Variants in SOX6 observed in about 807,000 individuals in gnomAD.
The protein encoded by SOX6 is SRY-box transcription factor 6.
Under a neutral mutation model 97.8 loss-of-function variants are expected in SOX6, and 11 were observed. That is an observed-to-expected ratio of 0.11 (90% CI 0.07 to 0.19). The LOEUF (loss-of-function observed/expected upper bound fraction) is 0.19. Ranked by LOEUF, SOX6 falls within the 10% of genes least tolerant of loss-of-function variation. SOX6 has a pLI of 1.00. For synonymous variants in SOX6, 360 were observed against 371.4 expected (o/e 0.97, Z 0.35); for missense variants, 810 against 1,039.5 (o/e 0.78, Z 3.04).
At chr11:16,411,113 A>C (rs1858802105) in intron 1 of SOX6, among the ~76,000 whole-genome samples, 1 of 152,118 alleles carries the variant, frequency 6.6e-6, no homozygotes, top group Non-Finnish European at 1.5e-5. Flanking sequence ...CTTGGTTGCA[A>C]ATTTGGGGTC....
At chr11:16,586,351 T>C (rs978683149) in intron 4 of SOX6, among the ~76,000 whole-genome samples, 1 of 152,120 alleles carries the variant, frequency 6.6e-6, no homozygotes, top group South Asian at 2.1e-4. Flanking sequence ...AGAAAACAAG[T>C]GTTTCTGTCT....
chr11:16,203,095 A>G (rs577063465), intron 4 of SOX6, among the ~76,000 whole-genome samples: 99 of 152,278 alleles, frequency 6.5e-4, no homozygotes, highest in African/African-American at 2.1e-3. Flanking sequence ...CTGAAATACT[A>G]AAGTGAGCAT....
chr11:16,561,912 A>G (rs1225776288), intron 4 of SOX6, among the ~76,000 whole-genome samples: 1 of 151,372 alleles, frequency 6.6e-6, no homozygotes, highest in Admixed American at 6.6e-5. Flanking sequence ...TTTTTCATAG[A>G]GACAGAAACT....
At chr11:16,638,600 T>G (rs1848834406) in intron 3 of SOX6, among the ~76,000 whole-genome samples, 1 of 152,232 alleles carries the variant, frequency 6.6e-6, no homozygotes, top group Non-Finnish European at 1.5e-5. Context: ...GACTTTTTAA[T>G]GATCACCATT....
chr11:16,177,621 A>ATCTCTCTCTCTCTCTCTCTC (rs71044087), intron 6 of SOX6, among the ~76,000 whole-genome samples: 5 of 145,768 alleles, frequency 3.4e-5, no homozygotes, highest in African/African-American at 5.1e-5. Flanking sequence ...GAATAAGATG[A>ATCTCTCTCTCTCTCTCTCTC]TCTCTCTCTC....
At chr11:16,498,650 G>A (rs768766067) in intron 4 of SOX6, among the ~76,000 whole-genome samples, 2 of 152,110 alleles carry the variant, frequency 1.3e-5, no homozygotes, top group Admixed American at 6.5e-5. Context: ...AAAGGCAGCA[G>A]TTGCAATCCC....
chr11:16,514,465 ATG>A (rs1860931240), intron 4 of SOX6, among the ~76,000 whole-genome samples: 1 of 152,128 alleles, frequency 6.6e-6, no homozygotes, highest in Non-Finnish European at 1.5e-5. Context: ...AACCTCTGAA[ATG>A]TCACTAATAT....
rs577549018 is a variant in SOX6, at chr11:16,278,081, A to G, written c.445+40365T>C. 4.7e-4 allele frequency among the ~76,000 whole-genome samples: 72 copies of G among 152,340 alleles called. No homozygotes were observed. The South Asian group carries it at 8.5e-3, about 18-fold the overall frequency. Reference sequence around the variant, plus strand: ...TGATAGGATCAACAATGAACAATCCAGGCAAATTTTACCTAAATCTTATAA... The same window carrying G: ...TGATAGGATCAACAATGAACAATCCGGGCAAATTTTACCTAAATCTTATAA... On this transcript the variant is annotated intron_variant, in intron 3 of 15. Coordinates refer to ENST00000683767, the MANE Select transcript of SOX6 (RefSeq NM_001367873.1).
chr11:16,078,708 G>A (rs180964756), intron 9 of SOX6, among the ~76,000 whole-genome samples: 1 of 152,154 alleles, frequency 6.6e-6, no homozygotes, highest in Non-Finnish European at 1.5e-5. Flanking sequence ...AAGTGATCAG[G>A]TATATGAGTA....
Position 16,014,997 on chromosome 11 carries a change from T to C in SOX6, c.1677A>G (p.Glu559=), listed in dbSNP as rs768447185. 6.2e-6 allele frequency: 10 copies of C among 1,612,870 alleles called. No individual in the cohort carries two copies. The highest frequency in any genetic ancestry group is 2.7e-5 in the African/African-American group (2 of 74,834). The change falls in exon 13 of 16, where the codon GAA becomes GAG. Residue 559 remains glutamate, a synonymous_variant. Transcript: ENST00000683767. ...LGPQLTGKSN[E]DGKLGPGVID... is the part of the protein sequence containing the mutation. ...TGACACCTGGGCCCAGTTTTCCATC[T>C]TCATTTGACTTTCCCGTTAACTGGG...
intron 4 of SOX6, among the ~76,000 whole-genome samples, chr11:16,206,256 A>C (rs922164435): frequency 6.6e-6 from 1 of 152,076 alleles, no homozygotes; most frequent in African/African-American, 2.4e-5. Context: ...TGGCCAACAA[A>C]CTCACTAATT....
intron 3 of SOX6, among the ~76,000 whole-genome samples, chr11:16,660,856 T>C (rs1847760985): frequency 1.3e-5 from 2 of 152,220 alleles, no homozygotes; most frequent in Admixed American, 6.5e-5. Context: ...TGGACTTCTC[T>C]GTCCCCCAGA....
rs552240527 is a variant in SOX6 at position 16,136,768 on chromosome 11, A to T, written c.778-24845T>A. Among the ~76,000 whole-genome samples, 3 of 152,270 alleles carry T rather than the reference A, an allele frequency of 2.0e-5. No individual in the cohort carries two copies. In the South Asian group the frequency reaches 6.2e-4, roughly 32 times the overall value. ...CTTTTATATGCATTGGGAAACCAAA[A>T]AATTCATGCAACTCATTTTATTATG... On this transcript the variant is annotated intron_variant, in intron 6 of 15. Transcript: ENST00000683767.
chr11:16,437,672 C>T (rs935080770), intron 1 of SOX6, among the ~76,000 whole-genome samples: 2 of 152,208 alleles, frequency 1.3e-5, no homozygotes, highest in African/African-American at 4.8e-5. Flanking sequence ...TCAGTGAAAG[C>T]TTACTATGTG....
At chr11:15,986,780 G>A (rs1853855795) in intron 14 of SOX6, among the ~76,000 whole-genome samples, 1 of 152,164 alleles carries the variant, frequency 6.6e-6, no homozygotes, top group African/African-American at 2.4e-5. Context: ...GAGCATGACA[G>A]GATTCTCAGG....
At chr11:16,537,206 C>T (rs186682150) in intron 4 of SOX6, among the ~76,000 whole-genome samples, 4 of 152,254 alleles carry the variant, frequency 2.6e-5, no homozygotes, top group East Asian at 3.9e-4. Flanking sequence ...GGACCTCCGG[C>T]GAACTCCAAC....
chr11:16,362,037 A>C (rs1043328043), intron 1 of SOX6, among the ~76,000 whole-genome samples: 1 of 152,130 alleles, frequency 6.6e-6, no homozygotes, highest in African/African-American at 2.4e-5. Flanking sequence ...CTACAAATGA[A>C]GCTTAAAGAA....
intron 3 of SOX6, among the ~76,000 whole-genome samples, chr11:16,712,624 T>C (rs1335016079): frequency 1.3e-5 from 2 of 152,200 alleles, no homozygotes; most frequent in Non-Finnish European, 2.9e-5. Context: ...CCATTTCACA[T>C]GCTGTTCCCT....
intron 12 of SOX6, among the ~76,000 whole-genome samples, chr11:16,027,522 T>C (rs1298732710): frequency 6.6e-6 from 1 of 152,226 alleles, no homozygotes; most frequent in African/African-American, 2.4e-5. Context: ...AGTCGTACTA[T>C]AGAGAGACAC....
Sources: gnomAD v4.1 joint callset for allele counts (sites outside exome capture counted in the v4.1 genomes callset) on GRCh38, gnomAD v4.1.1 for gene constraint, MANE v1.5 for transcripts, NCBI Gene and HGNC (gene_info 2026-07-23, HGNC 2026-07-21) for gene names.